INPP5D: variants seen among roughly 807,000 people sequenced by gnomAD.
The protein encoded by INPP5D is phosphatidylinositol 3,4,5-trisphosphate 5-phosphatase 1.
A neutral mutation model predicts 122.9 loss-of-function variants in INPP5D; 33 were observed. The observed-to-expected ratio is 0.27, with a 90% CI of 0.20 to 0.36. The LOEUF is 0.36. INPP5D is among the 10% of genes least tolerant of loss of function. The pLI, the probability that INPP5D is intolerant of heterozygous loss-of-function variation, is 1.00. For synonymous variants in INPP5D, 584 were observed against 576.2 expected (o/e 1.01, Z -0.19); for missense variants, 1,053 against 1,412.7 (o/e 0.75, Z 4.08).
At chr2:233,142,648 C>T (rs1029774609) in intron 6 of INPP5D, among the ~76,000 whole-genome samples, 2 of 152,260 alleles carry the variant, frequency 1.3e-5, no homozygotes, top group South Asian at 2.1e-4. Flanking sequence ...CCTGGGTCCA[C>T]CCTGTGTGAG....
intron 3 of INPP5D, among the ~76,000 whole-genome samples, chr2:233,122,760 T>C (rs1445601303): frequency 6.6e-6 from 1 of 152,220 alleles, no homozygotes; most frequent in South Asian, 2.1e-4. Flanking sequence ...TGAGCCATGA[T>C]TGCACCACTG....
chr2:233,079,991 G>A lies in INPP5D; in HGVS notation c.198+593G>A, dbSNP rs528348760. 9.0e-4 allele frequency among the ~76,000 whole-genome samples: 137 copies of A among 152,170 alleles called. 1 individual carries two copies. The highest frequency in any genetic ancestry group is 6.2e-3 in the South Asian group (30 of 4,824). ...GTCACCCAGGCTGGAGTGCAGTGGC[G>A]CCATGTCGGCTCCCTGCAACCTCCA... On this transcript the variant is annotated intron_variant, in intron 2 of 26. Coordinates refer to ENST00000445964, the MANE Select transcript of INPP5D (RefSeq NM_001017915.3).
At chr2:233,073,468 C>A (rs1329173995) in intron 1 of INPP5D, among the ~76,000 whole-genome samples, 1 of 151,834 alleles carries the variant, frequency 6.6e-6, no homozygotes, top group Non-Finnish European at 1.5e-5. Flanking sequence ...GGTGAAACCC[C>A]ATCTCTACTA....
chr2:233,131,577 G>A (rs1195391548), intron 5 of INPP5D, among the ~76,000 whole-genome samples: 1 of 152,008 alleles, frequency 6.6e-6, no homozygotes, highest in Non-Finnish European at 1.5e-5. Flanking sequence ...GCACACACCT[G>A]TGATCCCAGC....
chr2:233,176,489 G>A (rs1342869392), intron 17 of INPP5D, among the ~76,000 whole-genome samples: 4 of 8 alleles, frequency 0.5, no homozygotes, highest in Non-Finnish European at 0.5. Context: ...GGGTGAATGG[G>A]TGAATGGATG....
At chr2:233,129,905 TGTGTGTGTGTGTGA>T (rs1325883786) in intron 4 of INPP5D, among the ~76,000 whole-genome samples, 4 of 151,650 alleles carry the variant, frequency 2.6e-5, no homozygotes, top group African/African-American at 4.9e-5. Context: ...TGTGTGTGTG[TGTGTGTGTGTGTGA>T]GAGACAGTGT....
At chr2:233,159,107 T>C (rs1317824609) in intron 10 of INPP5D, among the ~76,000 whole-genome samples, 1 of 152,136 alleles carries the variant, frequency 6.6e-6, no homozygotes, top group Non-Finnish European at 1.5e-5. Flanking sequence ...TGGAGCTCCA[T>C]CCCAGAGACT....
chr2:233,101,733 AATAT>A (rs1325863719), intron 2 of INPP5D, among the ~76,000 whole-genome samples: 1 of 146,092 alleles, frequency 6.8e-6, no homozygotes, highest in Admixed American at 7.0e-5. Flanking sequence ...ATATAATATA[AATAT>A]ATTTATTTAT....
chr2:233,122,081 C>A, intron 2 of INPP5D, 26 bp from the exon 3 acceptor site: 3 of 1,611,596 alleles, frequency 1.9e-6, no homozygotes, highest in Non-Finnish European at 2.5e-6. Flanking sequence ...TTAACATGTG[C>A]GTTTGTTTGG....
intron 2 of INPP5D, among the ~76,000 whole-genome samples, chr2:233,101,380 G>A (rs918900989): frequency 3.9e-5 from 6 of 152,006 alleles, no homozygotes; most frequent in Non-Finnish European, 7.4e-5. Flanking sequence ...TCCTGGCGAG[G>A]TCTGCCTGCC....
At chr2:233,193,699 A>G in intron 22 of INPP5D, 113 bp from the exon 23 acceptor site, 1 of 1,565,120 alleles carries the variant, frequency 6.4e-7, no homozygotes, top group Non-Finnish European at 8.7e-7. Flanking sequence ...GATTTATTAA[A>G]TAACCCTTGC....
intron 2 of INPP5D, among the ~76,000 whole-genome samples, chr2:233,095,927 G>A (rs991991882): frequency 3.3e-5 from 5 of 152,124 alleles, no homozygotes; most frequent in African/African-American, 9.7e-5. Flanking sequence ...GGATAATACC[G>A]TATACACTGT....
At chr2:233,087,507 A>T (rs969587502) in intron 2 of INPP5D, among the ~76,000 whole-genome samples, 6 of 151,926 alleles carry the variant, frequency 3.9e-5, no homozygotes, top group Non-Finnish European at 8.8e-5. Flanking sequence ...TTGTGTTTTT[A>T]GTAGAGACAG....
Position 233,079,334 on chromosome 2 carries a change from G to A in INPP5D, c.135-1G>A. ...CTAATAAAGTCTTTGATCTATTTCA[G>A]GTATCGGAATTGCGTTTACACTTAC... is the stretch of plus-strand genomic sequence containing the variant. On this transcript the variant is annotated splice_acceptor_variant, in intron 1 of 26. Coordinates refer to ENST00000445964, the MANE Select transcript of INPP5D (RefSeq NM_001017915.3). LOFTEE classifies it high-confidence loss of function. 1 of 1,589,520 alleles carries A rather than the reference G, an allele frequency of 6.3e-7. No homozygotes were observed. The highest frequency in any genetic ancestry group is 8.6e-7 in the Non-Finnish European group (1 of 1,157,700).
intron 18 of INPP5D, among the ~76,000 whole-genome samples, chr2:233,178,304 T>C (rs1694697803): frequency 6.6e-6 from 1 of 152,028 alleles, no homozygotes; most frequent in South Asian, 2.1e-4. Flanking sequence ...CTCTTGACCC[T>C]CAAAGTTGAA....
At chr2:233,146,572 C>T (rs565357999) in intron 8 of INPP5D, 134 bp downstream of exon 8, 15 of 669,784 alleles carry the variant, frequency 2.2e-5, no homozygotes, top group South Asian at 2.1e-4. Context: ...CCAAGAATGG[C>T]AGTCAGTTGA....
rs550648645 is a variant in INPP5D at position 233,170,632 on chromosome 2, G to A, written c.1900+28G>A. 4.0e-5 allele frequency: 64 copies of A among 1,609,126 alleles called. No homozygotes were observed. The highest frequency in any genetic ancestry group is 4.4e-5 in the Non-Finnish European group (52 of 1,177,686). ...AAGAGCAGCAACCCCGGCTGGGAGC[G>A]GTGGCTCACACCTGTAATCCCAGCA... On this transcript the variant is annotated intron_variant, in intron 16 of 26. Coordinates refer to ENST00000445964, the MANE Select transcript of INPP5D (RefSeq NM_001017915.3). This position sits in a 1 kb window ranked among gnomAD's most constrained non-coding sequence, Gnocchi z 4.5.
intron 1 of INPP5D, among the ~76,000 whole-genome samples, chr2:233,073,700 T>C (rs558860356): frequency 6.6e-5 from 10 of 151,612 alleles, no homozygotes; most frequent in African/African-American, 2.2e-4. Flanking sequence ...GTTGCATCTG[T>C]AGGACTGAGA....
chr2:233,097,304 C>T (rs535177288), intron 2 of INPP5D, among the ~76,000 whole-genome samples: 3 of 152,238 alleles, frequency 2.0e-5, no homozygotes, highest in Admixed American at 6.5e-5. Context: ...CTCATTAGTC[C>T]TTGCTTGCCA....
Sources: allele counts gnomAD v4.1 joint callset (sites outside exome capture counted in the v4.1 genomes callset), GRCh38; gene constraint gnomAD v4.1.1; non-coding constraint Gnocchi (gnomAD v3.1); transcripts MANE v1.5; gene names NCBI Gene and HGNC (gene_info 2026-07-23, HGNC 2026-07-21).